DOCK3: variants seen among roughly 807,000 people sequenced by gnomAD.
DOCK3 encodes the protein dedicator of cytokinesis protein 3.
Under a neutral mutation model 265.6 loss-of-function variants are expected in DOCK3, and 60 were observed. The observed-to-expected ratio is 0.23, with a 90% CI of 0.18 to 0.28. The LOEUF is 0.28. Among genes scored for constraint, DOCK3 ranks in the 10% least tolerant of loss-of-function variants. The pLI is 1.00. For synonymous variants in DOCK3, 881 were observed against 938.0 expected (o/e 0.94, Z 1.11); for missense variants, 1,981 against 2,594.3 (o/e 0.76, Z 5.14).
chr3:50,798,781 T>C (rs552499331), intron 2 of DOCK3, among the ~76,000 whole-genome samples: 1 of 152,280 alleles, frequency 6.6e-6, no homozygotes, highest in South Asian at 2.1e-4. Context: ...TGAGGTCTTA[T>C]TTATAAAATC....
chr3:51,070,462 C>G (rs901237235), intron 6 of DOCK3, among the ~76,000 whole-genome samples: 3 of 152,122 alleles, frequency 2.0e-5, no homozygotes, highest in African/African-American at 7.2e-5. Flanking sequence ...TGGGCCTCAG[C>G]TTCCTTGGTT....
chr3:51,197,439 C>G (rs145131814), intron 12 of DOCK3, among the ~76,000 whole-genome samples: 1 of 152,052 alleles, frequency 6.6e-6, no homozygotes, highest in African/African-American at 2.4e-5. Flanking sequence ...GAGTGATGTG[C>G]GTTGATGTTG....
intron 3 of DOCK3, among the ~76,000 whole-genome samples, chr3:50,886,936 C>T (rs540694587): frequency 6.6e-6 from 1 of 152,172 alleles, no homozygotes; most frequent in East Asian, 1.9e-4. Flanking sequence ...GACACCCTAA[C>T]ATCACAATTA....
At chr3:51,307,148 C>T (rs2082730198) in intron 27 of DOCK3, among the ~76,000 whole-genome samples, 1 of 152,008 alleles carries the variant, frequency 6.6e-6, no homozygotes, top group African/African-American at 2.4e-5. Flanking sequence ...TAGACAGGGT[C>T]TTGCTGTATT....
chr3:50,708,050 CCA>C (rs1271224258), intron 1 of DOCK3, among the ~76,000 whole-genome samples: 1 of 152,136 alleles, frequency 6.6e-6, no homozygotes, highest in African/African-American at 2.4e-5. Context: ...AGTGGCCGAT[CCA>C]CACACACTTG....
intron 2 of DOCK3, among the ~76,000 whole-genome samples, chr3:50,838,261 C>T (rs2107214209): frequency 6.6e-6 from 1 of 152,156 alleles, no homozygotes; most frequent in Middle Eastern, 3.4e-3. Flanking sequence ...CTTTTGGAGG[C>T]AATACAACAG....
chr3:51,319,025 T>G (rs181653435), intron 32 of DOCK3, among the ~76,000 whole-genome samples: 141 of 152,262 alleles, frequency 9.3e-4, no homozygotes, highest in East Asian at 4.1e-3. Context: ...TCCTTTCTAC[T>G]CTATATATCT....
At chr3:51,062,962 G>A (rs112882477) in intron 5 of DOCK3, among the ~76,000 whole-genome samples, 2,902 of 152,256 alleles carry the variant, frequency 0.019, 95 homozygotes, top group African/African-American at 0.066. Flanking sequence ...CCTTTTTCCA[G>A]CATTGTGTAC....
At chr3:51,070,621 A>T (rs561457130) in intron 6 of DOCK3, among the ~76,000 whole-genome samples, 1 of 152,310 alleles carries the variant, frequency 6.6e-6, no homozygotes, top group South Asian at 2.1e-4. Context: ...CTGTGTTTTC[A>T]TTAGTATAGT....
At chr3:51,100,791 A>C (rs1038804629) in intron 9 of DOCK3, among the ~76,000 whole-genome samples, 11 of 151,318 alleles carry the variant, frequency 7.3e-5, no homozygotes, top group African/African-American at 2.5e-4. Flanking sequence ...AGCTAAATTT[A>C]ATTTATCTTT....
chr3:51,056,845 G>T (rs535497498), intron 5 of DOCK3, among the ~76,000 whole-genome samples: 1 of 152,250 alleles, frequency 6.6e-6, no homozygotes, highest in Non-Finnish European at 1.5e-5. Context: ...GGGAGATCTG[G>T]TAATCTTCCC....
chr3:51,175,057 G>T (rs1467139341), intron 12 of DOCK3, among the ~76,000 whole-genome samples: 1 of 152,204 alleles, frequency 6.6e-6, no homozygotes, highest in Non-Finnish European at 1.5e-5. Flanking sequence ...GAATGCTCCT[G>T]CCAGGTCACT....
At chr3:50,954,821 A>G (rs1490561873) in intron 5 of DOCK3, among the ~76,000 whole-genome samples, 1 of 152,110 alleles carries the variant, frequency 6.6e-6, no homozygotes, top group African/African-American at 2.4e-5. Flanking sequence ...GAAGCTGTTA[A>G]GTTTAATTAG....
intron 32 of DOCK3, among the ~76,000 whole-genome samples, chr3:51,315,882 C>T (rs552113885): frequency 6.6e-6 from 1 of 152,190 alleles, no homozygotes; most frequent in African/African-American, 2.4e-5. Flanking sequence ...GGAATTGTAC[C>T]AGTTCCCCAC....
intron 25 of DOCK3, chr3:51,276,195 T>C (rs1358441155): frequency 5.4e-6 from 1 of 183,732 alleles, no homozygotes; most frequent in Non-Finnish European, 1.0e-5. Context: ...AAACTTAAAG[T>C]GCCATCTGGT....
At chr3:51,275,311 C>G in intron 25 of DOCK3, 105 bp downstream of exon 25, 1 of 1,528,164 alleles carries the variant, frequency 6.5e-7, no homozygotes, top group Non-Finnish European at 8.9e-7. Context: ...TTTTCAGTCA[C>G]AGATGCTTTC....
chr3:51,351,673 T>G (rs1371583739), intron 40 of DOCK3, among the ~76,000 whole-genome samples: 10 of 79,160 alleles, frequency 1.3e-4, no homozygotes, highest in African/African-American at 4.0e-4. Flanking sequence ...TTTTTTTTTT[T>G]GAGACAGAGT....
At chr3:51,172,685 TTTTGGTAG>T (rs1390738372) in intron 12 of DOCK3, among the ~76,000 whole-genome samples, 1 of 152,162 alleles carries the variant, frequency 6.6e-6, no homozygotes, top group Non-Finnish European at 1.5e-5. Flanking sequence ...TTTTATGATT[TTTTGGTAG>T]TTTGGTAGTT....
intron 32 of DOCK3, 124 bp from the exon 33 acceptor site, chr3:51,330,014 T>TGC: frequency 2.1e-6 from 2 of 951,452 alleles, no homozygotes; most frequent in Non-Finnish European, 3.2e-6. Context: ...TTCCCTGGGA[T>TGC]TTCTTTGGAG....
Sources: allele counts gnomAD v4.1 joint callset (sites outside exome capture counted in the v4.1 genomes callset), GRCh38; gene constraint gnomAD v4.1.1; transcripts MANE v1.5; gene names NCBI Gene and HGNC (gene_info 2026-07-23, HGNC 2026-07-21).